Variants in CTNNA2 observed in about 807,000 individuals in gnomAD.
CTNNA2 encodes the protein catenin alpha 2.
CTNNA2 carries 42 observed loss-of-function variants against 101.0 expected under a neutral mutation model. The ratio of observed to expected loss-of-function variants is 0.42; its 90% CI spans 0.32 to 0.54. CTNNA2 has a LOEUF of 0.54. Among genes scored for constraint, CTNNA2 ranks in the 20% least tolerant of loss-of-function variants. CTNNA2 has a pLI of 0.14. For synonymous variants in CTNNA2, 450 were observed against 456.4 expected, an observed-to-expected ratio of 0.99 and a Z score of 0.18; for missense variants, 871 against 1,223.1, an observed-to-expected ratio of 0.71 and a Z score of 4.29.
In CTNNA2 at chr2:79,595,378, A is replaced by G. The variant is rs183579203; in HGVS notation, c.-5-56174A>G. ...ACTCACAAATCTCTATTTCTAGCCC[A>G]GAACTCTCTCCTGAGCCTTCAGACC... On this transcript the variant is annotated intron_variant, in intron 1 of 18. Coordinates refer to ENST00000402739, the MANE Select transcript of CTNNA2 (RefSeq NM_001282597.3). 7.2e-5 allele frequency among the ~76,000 whole-genome samples: 11 copies of G among 152,312 alleles called. No individual in the cohort carries two copies. The East Asian group carries it at 1.7e-3, about 24-fold the overall frequency.
intron 9 of CTNNA2, among the ~76,000 whole-genome samples, chr2:80,501,816 G>A (rs926595240): frequency 1.6e-4 from 24 of 152,136 alleles, no homozygotes; most frequent in African/African-American, 4.6e-4. Flanking sequence ...CATCCTTAAA[G>A]GGGTGCAGGT....
chr2:80,505,792 T>G (rs1487787680), intron 9 of CTNNA2, among the ~76,000 whole-genome samples: 2 of 152,210 alleles, frequency 1.3e-5, no homozygotes, highest in African/African-American at 4.8e-5. Flanking sequence ...TATACTTGGA[T>G]ATGAAAATTT....
intron 7 of CTNNA2, among the ~76,000 whole-genome samples, chr2:80,286,060 C>T (rs1573599442): frequency 6.6e-6 from 1 of 152,154 alleles, no homozygotes; most frequent in East Asian, 1.9e-4. Flanking sequence ...CCAGAACTCT[C>T]AGGAATGGTG....
At chr2:79,464,608 A>G (rs1670914378) in intron 4 of CTNNA2, among the ~76,000 whole-genome samples, 1 of 152,114 alleles carries the variant, frequency 6.6e-6, no homozygotes, top group Non-Finnish European at 1.5e-5. Flanking sequence ...CAACAGTGTA[A>G]AAGTGTTCCT....
At chr2:79,438,752 A>T (rs1489923804) in intron 4 of CTNNA2, among the ~76,000 whole-genome samples, 1 of 152,212 alleles carries the variant, frequency 6.6e-6, no homozygotes, top group Non-Finnish European at 1.5e-5. Context: ...CATGAGAATG[A>T]CTTGGCATTT....
intron 1 of CTNNA2, among the ~76,000 whole-genome samples, chr2:79,593,877 TTAG>T (rs1166478894): frequency 0.018 from 2,632 of 149,944 alleles, 79 homozygotes; most frequent in African/African-American, 0.06. Context: ...TGCCTTTCTT[TTAG>T]TTTTTTTTTT....
chr2:79,750,120 A>G (rs1306454053), intron 3 of CTNNA2, among the ~76,000 whole-genome samples: 1 of 152,236 alleles, frequency 6.6e-6, no homozygotes, highest in East Asian at 1.9e-4. Context: ...CAAGGAATGC[A>G]AAGGAGTTAT....
intron 1 of CTNNA2, among the ~76,000 whole-genome samples, chr2:79,571,791 A>G (rs542528805): frequency 1.3e-5 from 2 of 152,164 alleles, no homozygotes; most frequent in South Asian, 2.1e-4. Flanking sequence ...TGATCTACTC[A>G]CTTTTATTGA....
At chr2:79,647,066 T>C (rs116736011) in intron 1 of CTNNA2, among the ~76,000 whole-genome samples, 7,400 of 152,280 alleles carry the variant, frequency 0.049, 534 homozygotes, top group African/African-American at 0.15. Context: ...TTGCTTTATG[T>C]AAATTTTCTT....
intron 2 of CTNNA2, among the ~76,000 whole-genome samples, chr2:79,731,147 T>G (rs1474130302): frequency 1.3e-5 from 2 of 152,068 alleles, no homozygotes; most frequent in Non-Finnish European, 2.9e-5. Context: ...TGTTTCAAAA[T>G]GTGTTACTTT....
chr2:80,406,973 A>T (rs1441974118), intron 8 of CTNNA2, among the ~76,000 whole-genome samples: 1 of 151,938 alleles, frequency 6.6e-6, no homozygotes, highest in Non-Finnish European at 1.5e-5. Context: ...TACCCTTGAT[A>T]CTGTTGCCAA....
chr2:80,527,921 T>A (rs1690178998), intron 9 of CTNNA2, among the ~76,000 whole-genome samples: 1 of 152,202 alleles, frequency 6.6e-6, no homozygotes, highest in South Asian at 2.1e-4. Context: ...GGCGAGTACA[T>A]CAGAATTTAT....
chr2:80,045,683 TC>T (rs1696471038), intron 7 of CTNNA2, among the ~76,000 whole-genome samples: 1 of 152,248 alleles, frequency 6.6e-6, no homozygotes, highest in East Asian at 1.9e-4. Flanking sequence ...TCTGAATTTG[TC>T]CAGAATAGGG....
intron 7 of CTNNA2, among the ~76,000 whole-genome samples, chr2:80,385,926 T>G (rs1676953075): frequency 6.6e-6 from 1 of 152,180 alleles, no homozygotes; most frequent in Non-Finnish European, 1.5e-5. Context: ...TATTATCAGT[T>G]TGTTCCCTGC....
At chr2:80,185,437 T>C (rs1706057153) in intron 7 of CTNNA2, among the ~76,000 whole-genome samples, 1 of 152,126 alleles carries the variant, frequency 6.6e-6, no homozygotes, top group South Asian at 2.1e-4. Context: ...CAGCCCACAC[T>C]CAGGAAAAGG....
chr2:80,506,476 A>G (rs1688289250), intron 9 of CTNNA2, among the ~76,000 whole-genome samples: 1 of 152,114 alleles, frequency 6.6e-6, no homozygotes, highest in African/African-American at 2.4e-5. Context: ...TCAAAGAGGG[A>G]ATAAGGTCTA....
At chr2:80,417,858 C>T (rs1680178232) in intron 8 of CTNNA2, among the ~76,000 whole-genome samples, 1 of 152,058 alleles carries the variant, frequency 6.6e-6, no homozygotes, top group Non-Finnish European at 1.5e-5. Flanking sequence ...TTAAGTTGCT[C>T]ATTTTTGTGC....
chr2:79,552,599 G>T (rs1674182035), intron 1 of CTNNA2, among the ~76,000 whole-genome samples: 1 of 152,098 alleles, frequency 6.6e-6, no homozygotes, highest in African/African-American at 2.4e-5. Context: ...ACTTCTGCCT[G>T]GACATCCGGG....
chr2:80,531,293 G>A (rs192180464), intron 9 of CTNNA2, among the ~76,000 whole-genome samples: 79 of 152,252 alleles, frequency 5.2e-4, no homozygotes, highest in African/African-American at 1.9e-3. Context: ...TTTACCAAGG[G>A]GCCAATGAGG....
Sources: allele counts gnomAD v4.1 joint callset (sites outside exome capture counted in the v4.1 genomes callset), GRCh38; gene constraint gnomAD v4.1.1; transcripts MANE v1.5; gene names NCBI Gene and HGNC (gene_info 2026-07-23, HGNC 2026-07-21).